FMN2: variants seen among roughly 807,000 people sequenced by gnomAD.
The protein encoded by FMN2 is formin 2, also known as formin-2.
Under a neutral mutation model 142.3 loss-of-function variants are expected in FMN2, and 51 were observed. That is an observed-to-expected ratio of 0.36 (90% CI 0.29 to 0.45). The LOEUF (loss-of-function observed/expected upper bound fraction) is 0.45. Among genes scored for constraint, FMN2 ranks in the 20% least tolerant of loss-of-function variants. The probability of loss-of-function intolerance (pLI) is 1.00; values close to 1 mark genes in which losing one functional copy is unlikely to be tolerated. For missense variants in FMN2, 1,936 were observed against 2,122.8 expected (o/e 0.91, Z 1.73); for synonymous variants, 882 against 869.8 (o/e 1.01, Z -0.25).
At chr1:240,349,050 C>T (rs1418710499) in intron 13 of FMN2, among the ~76,000 whole-genome samples, 11 of 152,176 alleles carry the variant, frequency 7.2e-5, no homozygotes, top group African/African-American at 2.7e-4. Context: ...GTGGTACCTA[C>T]CACACAGCAT....
chr1:240,378,151 T>G (rs1466081914), intron 14 of FMN2, among the ~76,000 whole-genome samples: 2 of 151,848 alleles, frequency 1.3e-5, no homozygotes, highest in African/African-American at 4.8e-5. Flanking sequence ...TTTTATTTTT[T>G]ATTATTATTA....
At chr1:240,351,505 A>G (rs182523612) in intron 13 of FMN2, among the ~76,000 whole-genome samples, 456 of 152,308 alleles carry the variant, frequency 3.0e-3, no homozygotes, top group African/African-American at 0.011. Context: ...ATTAGGGGGA[A>G]AAGGTAGAAG....
At chr1:240,390,595 A>T (rs1004241487) in intron 14 of FMN2, among the ~76,000 whole-genome samples, 1 of 152,204 alleles carries the variant, frequency 6.6e-6, no homozygotes, top group African/African-American at 2.4e-5. Context: ...TCAGTTAAAC[A>T]TTATGTATGA....
intron 7 of FMN2, among the ~76,000 whole-genome samples, chr1:240,288,198 G>A (rs369734086): frequency 6.6e-6 from 1 of 152,174 alleles, no homozygotes; most frequent in Non-Finnish European, 1.5e-5. Context: ...AGTGAATGAA[G>A]CATGACCATG....
chr1:240,258,918 CA>C (rs1389443117), intron 7 of FMN2, among the ~76,000 whole-genome samples: 1 of 152,212 alleles, frequency 6.6e-6, no homozygotes, highest in Non-Finnish European at 1.5e-5. Context: ...CTTATAATCA[CA>C]AAAGCATTTA....
rs531837807 is a variant in FMN2, at chr1:240,184,726, C to G, written c.1931-3481C>G. 5.9e-5 allele frequency among the ~76,000 whole-genome samples: 9 copies of G among 151,948 alleles called. No individual in the cohort carries two copies. The East Asian group carries it at 1.6e-3, about 26-fold the overall frequency. On this transcript the variant is annotated intron_variant, in intron 3 of 17. Transcript: ENST00000319653. ...GGCAATTCCTGAAAGTGCCCTGGAT[C>G]CTGGGAGGAGGAGAGTGTTGGGAAC...
chr1:240,447,908 A>G (rs996151198), intron 16 of FMN2, among the ~76,000 whole-genome samples: 1 of 152,222 alleles, frequency 6.6e-6, no homozygotes, highest in Non-Finnish European at 1.5e-5. Context: ...AGGAAGAAGA[A>G]TTAAGTAGAA....
At chr1:240,383,423 G>A (rs1673296290) in intron 14 of FMN2, among the ~76,000 whole-genome samples, 1 of 151,950 alleles carries the variant, frequency 6.6e-6, no homozygotes, top group Non-Finnish European at 1.5e-5. Context: ...ACAAGAAGAA[G>A]ACAATCCCAT....
intron 6 of FMN2, among the ~76,000 whole-genome samples, chr1:240,247,559 T>G (rs910484658): frequency 1.6e-4 from 24 of 151,986 alleles, no homozygotes; most frequent in African/African-American, 5.3e-4. Context: ...TATAAGACTT[T>G]TTAAAGGACT....
At chr1:240,360,454 G>A (rs2103053234) in intron 14 of FMN2, among the ~76,000 whole-genome samples, 1 of 152,208 alleles carries the variant, frequency 6.6e-6, no homozygotes, top group South Asian at 2.1e-4. Context: ...TTTTATCCAG[G>A]AATCCACTCC....
rs1663192416 is a variant in FMN2, at chr1:240,141,723, T to C, written c.1782+18378T>C. On this transcript the variant is annotated intron_variant, in intron 2 of 17. Coordinates refer to ENST00000319653, the MANE Select transcript of FMN2 (RefSeq NM_020066.5). ...GAACTTTGAAAACAAGAATTTTAAG[T>C]GTCTCCTATGTTTGCATTTTGTGCA... Among the ~76,000 whole-genome samples the C allele has an allele frequency of 1.3e-5, 2 of 152,188 alleles. 1 individual carries two copies. The highest frequency in any genetic ancestry group is 1.3e-4 in the Admixed American group (2 of 15,284).
chr1:240,192,821 A>G (rs1665758760), intron 4 of FMN2, among the ~76,000 whole-genome samples: 1 of 142,656 alleles, frequency 7.0e-6, no homozygotes, highest in Non-Finnish European at 1.5e-5. Context: ...TCACCATACT[A>G]TGTTAAGAGA....
At chr1:240,328,378 A>G (rs1006280231) in intron 8 of FMN2, among the ~76,000 whole-genome samples, 4 of 151,610 alleles carry the variant, frequency 2.6e-5, no homozygotes, top group Non-Finnish European at 5.9e-5. Context: ...AAGAAATACT[A>G]CTTTATAAAA....
intron 11 of FMN2, among the ~76,000 whole-genome samples, chr1:240,333,186 C>A (rs569852851): frequency 6.6e-6 from 1 of 151,950 alleles, no homozygotes; most frequent in African/African-American, 2.4e-5. Context: ...AAAATTAATG[C>A]GCCTAAATAA....
chr1:240,149,098 G>C (rs1663654218), intron 2 of FMN2, among the ~76,000 whole-genome samples: 1 of 152,114 alleles, frequency 6.6e-6, no homozygotes, highest in South Asian at 2.1e-4. Context: ...GTTTTGAAAT[G>C]TGCTTTTGAA....
intron 1 of FMN2, among the ~76,000 whole-genome samples, chr1:240,116,105 G>A (rs1662011407): frequency 6.6e-6 from 1 of 152,174 alleles, no homozygotes; most frequent in Admixed American, 6.5e-5. Flanking sequence ...ACCAGAGGTC[G>A]CTTTCATCAC....
At chr1:240,402,045 T>C (rs1306113943) in intron 15 of FMN2, among the ~76,000 whole-genome samples, 1 of 152,264 alleles carries the variant, frequency 6.6e-6, no homozygotes, top group Non-Finnish European at 1.5e-5. Flanking sequence ...TGAAGGCTTA[T>C]TCATGTGAAA....
intron 16 of FMN2, among the ~76,000 whole-genome samples, chr1:240,457,266 T>A (rs1046893592): frequency 6.6e-6 from 1 of 152,184 alleles, no homozygotes; most frequent in Non-Finnish European, 1.5e-5. Flanking sequence ...CTGGGAAGCA[T>A]GAGGGGAATG....
At chr1:240,294,746 G>A (rs1391245243) in intron 7 of FMN2, 76 bp from the exon 8 acceptor site, 6 of 1,353,868 alleles carry the variant, frequency 4.4e-6, no homozygotes, top group Non-Finnish European at 6.3e-6. Context: ...TGAGCCGTGA[G>A]CCTGCTGCCT....
Sources: gnomAD v4.1 joint callset for allele counts (sites outside exome capture counted in the v4.1 genomes callset) on GRCh38, gnomAD v4.1.1 for gene constraint, MANE v1.5 for transcripts, NCBI Gene and HGNC (gene_info 2026-07-23, HGNC 2026-07-21) for gene names.